Variants in CDC37L1 observed in about 807,000 individuals in gnomAD.
The protein encoded by CDC37L1 is cell division cycle 37 like 1, HSP90 cochaperone, also known as hsp90 co-chaperone Cdc37-like 1.
A neutral mutation model predicts 45.9 loss-of-function variants in CDC37L1; 32 were observed. The ratio of observed to expected loss-of-function variants is 0.70; its 90% confidence interval spans 0.53 to 0.94. The LOEUF (loss-of-function observed/expected upper bound fraction) is 0.94. CDC37L1 is among the 40% of genes least tolerant of loss of function. The probability of loss-of-function intolerance (pLI) is 0.00; values close to 1 mark genes in which losing one functional copy is unlikely to be tolerated. For synonymous variants in CDC37L1, 150 were observed against 133.0 expected (o/e 1.13, Z -0.88); for missense variants, 434 against 405.7 (o/e 1.07, Z -0.60).
intron 2 of CDC37L1, among the ~76,000 whole-genome samples, chr9:4,687,908 G>A (rs1184678762): frequency 6.6e-6 from 1 of 152,148 alleles, no homozygotes; most frequent in Non-Finnish European, 1.5e-5. Context: ...TTCTATACCT[G>A]CTTTTAATTG....
chr9:4,692,272 GT>G lies in CDC37L1; in HGVS notation c.508+3680del, dbSNP rs920971809. Among the ~76,000 whole-genome samples, 444 of 142,774 alleles carry G rather than the reference GT, an allele frequency of 3.1e-3. 1 individual carries two copies. Among genetic ancestry groups the G allele is most frequent in the Middle Eastern group, 0.015 (4 of 264 alleles). 93.7% of individuals were successfully genotyped at this position (142,774 alleles called of 152,430 possible). ...AATAGAAAATGTATATGATTTTAAT[GT>G]TTTTTTTTTTTTTGAGACGAAATCT... On this transcript the variant is annotated intron_variant, in intron 3 of 6. Coordinates refer to ENST00000381854, the MANE Select transcript of CDC37L1 (RefSeq NM_017913.4).
chr9:4,689,138 G>A (rs1841278327), intron 3 of CDC37L1, among the ~76,000 whole-genome samples: 1 of 152,114 alleles, frequency 6.6e-6, no homozygotes, highest in African/African-American at 2.4e-5. Context: ...TCCCAGAGGA[G>A]CCAGCATCTG....
intron 5 of CDC37L1, among the ~76,000 whole-genome samples, chr9:4,699,628 A>G (rs984619716): frequency 1.3e-5 from 2 of 152,178 alleles, no homozygotes; most frequent in South Asian, 2.1e-4. Context: ...TTGTTGAAGG[A>G]TACATATATA....
At chr9:4,696,490 A>G (rs1015148159) in intron 3 of CDC37L1, among the ~76,000 whole-genome samples, 3 of 152,096 alleles carry the variant, frequency 2.0e-5, no homozygotes, top group Non-Finnish European at 2.9e-5. Context: ...ATGGAGAAAA[A>G]AAAGAAGAGA....
At chr9:4,696,473 C>T (rs1841349081) in intron 3 of CDC37L1, among the ~76,000 whole-genome samples, 1 of 139,726 alleles carries the variant, frequency 7.2e-6, no homozygotes, top group South Asian at 2.4e-4. Context: ...ATAAGCCTCT[C>T]ATCTTTATGG....
intron 1 of CDC37L1, among the ~76,000 whole-genome samples, chr9:4,684,498 A>G (rs539604594): frequency 2.6e-5 from 4 of 152,332 alleles, no homozygotes; most frequent in African/African-American, 9.6e-5. Flanking sequence ...AAAATTATAA[A>G]GGCCTGGTTG....
Position 4,679,885 on chromosome 9 carries a change from G to A in CDC37L1, c.118G>A (p.Gly40Ser), listed in dbSNP as rs1841171704. 1 of 1,613,830 alleles carries A rather than the reference G, an allele frequency of 6.2e-7. No individual in the cohort carries two copies. Among genetic ancestry groups the A allele is most frequent in the Non-Finnish European group, 8.5e-7 (1 of 1,179,938 alleles). Residue 40 changes from glycine (G) to serine (S), a missense_variant, in exon 1 of 7, where the codon GGC becomes AGC. Physicochemically the swap from Gly to Ser is moderately conservative, Grantham distance 56. Coordinates refer to ENST00000381854, the MANE Select transcript of CDC37L1 (RefSeq NM_017913.4). Reference protein sequence around the residue: ...PSSPRCPQLPGGGAQMYSHGI... With the variant: ...PSSPRCPQLPSGGAQMYSHGI... ...TTCTCCCCGCTGCCCGCAGCTGCCAGGCGGCGGCGCCCAGGTGAGAAGGGG... is the reference window on the plus strand; with the variant it reads ...TTCTCCCCGCTGCCCGCAGCTGCCAAGCGGCGGCGCCCAGGTGAGAAGGGG...
intron 5 of CDC37L1, among the ~76,000 whole-genome samples, chr9:4,701,177 T>C (rs1157063971): frequency 3.3e-5 from 5 of 152,194 alleles, no homozygotes; most frequent in Non-Finnish European, 7.3e-5. Flanking sequence ...ATTGGTAGGA[T>C]AAATCTCTGT....
At chr9:4,701,262 C>T (rs1181923832) in intron 5 of CDC37L1, among the ~76,000 whole-genome samples, 1 of 152,206 alleles carries the variant, frequency 6.6e-6, no homozygotes, top group Non-Finnish European at 1.5e-5. Flanking sequence ...GTTCCACTCC[C>T]TCGACCTAAG....
Position 4,706,364 on chromosome 9 carries a change from G to T in CDC37L1, c.*252G>T. ...TGGACTTTTTGTGGCTACTAAATTT[G>T]CTTTTAATCTTATTGTTCTCAATTT... On this transcript the variant is annotated 3_prime_UTR_variant, in exon 7 of 7. Transcript: ENST00000381854. 1 of 290,736 alleles carries T rather than the reference G, an allele frequency of 3.4e-6. No individual in the cohort carries two copies. Among genetic ancestry groups the T allele is most frequent in the Non-Finnish European group, 6.5e-6 (1 of 152,884 alleles). 18.0% of individuals were successfully genotyped at this position (290,736 alleles called of 1,614,324 possible).
chr9:4,684,604 G>C (rs1433899624), intron 1 of CDC37L1, among the ~76,000 whole-genome samples: 2 of 152,166 alleles, frequency 1.3e-5, no homozygotes, highest in Non-Finnish European at 2.9e-5. Context: ...TTAAACGTTT[G>C]TTAAGCACTA....
At chr9:4,692,185 TATCA>T (rs150178400) in intron 3 of CDC37L1, among the ~76,000 whole-genome samples, 14,529 of 152,164 alleles carry the variant, frequency 0.095, 1,089 homozygotes, top group East Asian at 0.36. Context: ...TTAAAAAACA[TATCA>T]ATATCTTATT....
chr9:4,700,202 C>G (rs1398658708), intron 5 of CDC37L1, among the ~76,000 whole-genome samples: 3 of 152,200 alleles, frequency 2.0e-5, no homozygotes, highest in African/African-American at 7.2e-5. Context: ...GTCACTCAGG[C>G]TAGAGTGCAG....
intron 6 of CDC37L1, among the ~76,000 whole-genome samples, chr9:4,702,781 C>T (rs1200277686): frequency 4.8e-5 from 7 of 146,158 alleles, no homozygotes; most frequent in South Asian, 4.4e-4. Context: ...CCCAGCTACT[C>T]GGGAGGCTGA....
intron 1 of CDC37L1, among the ~76,000 whole-genome samples, chr9:4,682,826 T>C (rs941965295): frequency 1.3e-5 from 2 of 151,890 alleles, no homozygotes; most frequent in Non-Finnish European, 2.9e-5. Flanking sequence ...AAATAAGTTA[T>C]ATAGCTTAAT....
intron 5 of CDC37L1, among the ~76,000 whole-genome samples, chr9:4,698,210 T>G (rs1841365578): frequency 6.6e-6 from 1 of 151,972 alleles, no homozygotes; most frequent in Non-Finnish European, 1.5e-5. Flanking sequence ...CAGGATGCAT[T>G]ATTGAGCAAA....
At chr9:4,699,641 C>T (rs1587622839) in intron 5 of CDC37L1, among the ~76,000 whole-genome samples, 2 of 151,876 alleles carry the variant, frequency 1.3e-5, no homozygotes, top group Admixed American at 1.3e-4. Context: ...CATATATAAG[C>T]AGTAAAACTA....
intron 1 of CDC37L1, among the ~76,000 whole-genome samples, chr9:4,684,669 A>G (rs1324195209): frequency 6.6e-6 from 1 of 152,188 alleles, no homozygotes; most frequent in Non-Finnish European, 1.5e-5. Flanking sequence ...GTTAGTTGTC[A>G]GGGGATAGGC....
chr9:4,702,025 A>T lies in CDC37L1; in HGVS notation c.909A>T (p.Pro303=), dbSNP rs775553208. ...CTATAGGTTTATTAGAATCCTTACC[A>T]CAGGTAAGTTGGAAAAGTAAATATT... ...VGSIGLLESL[P]QNPDYLQYSI... is the part of the protein sequence containing the mutation. Residue 303 remains proline, a synonymous_variant, in exon 6 of 7, where the codon CCA becomes CCT. Coordinates refer to ENST00000381854, the MANE Select transcript of CDC37L1 (RefSeq NM_017913.4). 1.2e-5 allele frequency: 16 copies of T among 1,378,268 alleles called. No homozygotes were observed. The highest frequency in any genetic ancestry group is 1.4e-5 in the Non-Finnish European group (15 of 1,047,568). The allele number at this position is 1,378,268 out of a possible 1,614,324, so 85.4% of individuals were successfully genotyped here.
Sources: gnomAD v4.1 joint callset for allele counts (sites outside exome capture counted in the v4.1 genomes callset) on GRCh38, gnomAD v4.1.1 for gene constraint, MANE v1.5 for transcripts, NCBI Gene and HGNC (gene_info 2026-07-23, HGNC 2026-07-21) for gene names.